The following PACSIN1 variants were observed in gnomAD, a reference collection of about 807,000 sequenced individuals.
The protein encoded by PACSIN1 is protein kinase C and casein kinase substrate in neurons protein 1.
PACSIN1 carries 15 observed loss-of-function variants against 59.5 expected under a neutral mutation model. The ratio of observed to expected loss-of-function variants is 0.25; its 90% confidence interval spans 0.17 to 0.39. The LOEUF is 0.39. Among genes scored for constraint, PACSIN1 ranks in the 10% least tolerant of loss-of-function variants. The pLI, the probability that PACSIN1 is intolerant of heterozygous loss-of-function variation, is 1.00. For synonymous variants in PACSIN1, 210 were observed against 220.6 expected, an observed-to-expected ratio of 0.95 and a Z score of 0.42; for missense variants, 420 against 580.2, an observed-to-expected ratio of 0.72 and a Z score of 2.84.
rs1767289919 is a variant in PACSIN1 at position 34,516,255 on chromosome 6, T to C, written c.-63-9988T>C. ...GGCTGAGGAGGGGTCACATGATGGG[T>C]AGGGGCATACACGCTGAGAAGCTGG... On this transcript the variant is annotated intron_variant, in intron 1 of 9. Coordinates refer to ENST00000244458, the MANE Select transcript of PACSIN1 (RefSeq NM_020804.5). The surrounding 1 kb of genome is among the most constrained non-coding windows in gnomAD (Gnocchi z 5.4). Among the ~76,000 whole-genome samples, 1 of 151,974 alleles carries C rather than the reference T, an allele frequency of 6.6e-6. No individual in the cohort carries two copies. Among genetic ancestry groups the C allele is most frequent in the African/African-American group, 2.4e-5 (1 of 41,372 alleles).
chr6:34,494,137 C>T (rs1766915495), intron 1 of PACSIN1, among the ~76,000 whole-genome samples: 2 of 152,174 alleles, frequency 1.3e-5, no homozygotes, highest in Admixed American at 1.3e-4. Flanking sequence ...ACAAAATTTA[C>T]CTACTTGTTA....
chr6:34,521,076 T>C lies in PACSIN1; in HGVS notation c.-63-5167T>C, dbSNP rs1561968591. On this transcript the variant is annotated intron_variant, in intron 1 of 9. Transcript: ENST00000244458. This position sits in a 1 kb window ranked among gnomAD's most constrained non-coding sequence, Gnocchi z 4.3. Reference sequence around the variant, plus strand: ...TGCGCACTTACTATGTTGCCGGCACTGCACTGGATGCTGGAAATACGGCAG... The same window carrying C: ...TGCGCACTTACTATGTTGCCGGCACCGCACTGGATGCTGGAAATACGGCAG... Among the ~76,000 whole-genome samples the C allele has an allele frequency of 6.6e-6, 1 of 152,260 alleles. No homozygotes were observed. Among genetic ancestry groups the C allele is most frequent in the Non-Finnish European group, 1.5e-5 (1 of 68,052 alleles).
chr6:34,496,493 G>C (rs1449718608), intron 1 of PACSIN1, among the ~76,000 whole-genome samples: 1 of 152,244 alleles, frequency 6.6e-6, no homozygotes, highest in African/African-American at 2.4e-5. Context: ...CCTGCTGGAT[G>C]GTACCCCAGC....
Position 34,532,907 on chromosome 6 carries a change from T to G in PACSIN1, c.*377T>G. ...CTCCAGGCTGCCGGCACCTGCCCCATTCCCTGGCCTGGTTTCCTAACCTCT... is the reference window on the plus strand; with the variant it reads ...CTCCAGGCTGCCGGCACCTGCCCCAGTCCCTGGCCTGGTTTCCTAACCTCT... On this transcript the variant is annotated 3_prime_UTR_variant, in exon 10 of 10. Transcript: ENST00000244458. This position sits in a 1 kb window ranked among gnomAD's most constrained non-coding sequence, Gnocchi z 5.2. The G allele has an allele frequency of 4.1e-5, 7 of 170,014 alleles. No individual in the cohort carries two copies. Among genetic ancestry groups the G allele is most frequent in the Middle Eastern group, 2.6e-3 (1 of 390 alleles). 10.5% of individuals were successfully genotyped at this position (170,014 alleles called of 1,614,324 possible). A position where few individuals can be genotyped will look rare whatever the true frequency, so the allele number is the denominator to read the frequency against.
At chr6:34,526,720 G>C (rs1767490848) in intron 2 of PACSIN1, among the ~76,000 whole-genome samples, 1 of 152,226 alleles carries the variant, frequency 6.6e-6, no homozygotes, top group Non-Finnish European at 1.5e-5. Flanking sequence ...GGTGGGCAGG[G>C]GTGGAGCGCC....
At chr6:34,505,945 G>A (rs1767105623) in intron 1 of PACSIN1, among the ~76,000 whole-genome samples, 1 of 151,890 alleles carries the variant, frequency 6.6e-6, no homozygotes, top group African/African-American at 2.4e-5. Flanking sequence ...ATTCTATTTA[G>A]AAAGCTCACT....
chr6:34,491,533 G>C (rs998849551), intron 1 of PACSIN1, among the ~76,000 whole-genome samples: 1 of 152,116 alleles, frequency 6.6e-6, no homozygotes, highest in African/African-American at 2.4e-5. Context: ...GAGGGTCGCT[G>C]CTGGGAAGTG....
At chr6:34,496,414 G>A (rs1214190079) in intron 1 of PACSIN1, among the ~76,000 whole-genome samples, 4 of 152,346 alleles carry the variant, frequency 2.6e-5, no homozygotes, top group East Asian at 1.9e-4. Flanking sequence ...GTCTTCTGGG[G>A]TGATCTCTGC....
Position 34,532,483 on chromosome 6 carries a change from A to G in PACSIN1, c.1288A>G (p.Ser430Gly). ...EQGWCRGRLD[S>G]GQLGLYPANY... ...GGGCTGGTGCCGTGGGCGGCTGGAC[A>G]GCGGGCAGCTGGGCCTCTACCCTGC... Residue 430 changes from serine to glycine, a missense_variant, in exon 10 of 10, where the codon AGC becomes GGC. Ser to Gly is a moderately conservative substitution (Grantham distance 56, BLOSUM62 0). Transcript: ENST00000244458. The surrounding 1 kb of genome is among the most constrained non-coding windows in gnomAD (Gnocchi z 5.2). 6.4e-7 allele frequency: 1 copy of G among 1,571,554 alleles called. No individual in the cohort carries two copies. Among genetic ancestry groups the G allele is most frequent in the Non-Finnish European group, 8.6e-7 (1 of 1,158,028 alleles).
intron 1 of PACSIN1, among the ~76,000 whole-genome samples, chr6:34,507,551 TA>T (rs57453362): frequency 1.4e-3 from 202 of 144,094 alleles, no homozygotes; most frequent in East Asian, 0.013. Flanking sequence ...ACTTTTATTG[TA>T]AAAAAAAAAA....
At chr6:34,475,588 C>G (rs1325939212) in intron 1 of PACSIN1, among the ~76,000 whole-genome samples, 1 of 152,180 alleles carries the variant, frequency 6.6e-6, no homozygotes, top group Non-Finnish European at 1.5e-5. Context: ...TGTCTGCAAG[C>G]TGCTCCCGGG....
At chr6:34,499,687 T>C (rs1766995937) in intron 1 of PACSIN1, among the ~76,000 whole-genome samples, 1 of 151,816 alleles carries the variant, frequency 6.6e-6, no homozygotes, top group Non-Finnish European at 1.5e-5. Flanking sequence ...TCCCAGGTAC[T>C]CAGGAGGCTG....
In PACSIN1 at chr6:34,469,484, C is replaced by T. The variant is rs9394225; in HGVS notation, c.-64+3214C>T. On this transcript the variant is annotated intron_variant, in intron 1 of 9. Coordinates refer to ENST00000244458, the MANE Select transcript of PACSIN1 (RefSeq NM_020804.5). Reference sequence around the variant, plus strand: ...TGGCAGGCAGGTAGAGGAGGGGTCCCGGAGCTTCACTGTGGAAAGCAGGGA... The same window carrying T: ...TGGCAGGCAGGTAGAGGAGGGGTCCTGGAGCTTCACTGTGGAAAGCAGGGA... Among the ~76,000 whole-genome samples, 218 of 152,148 alleles carry T rather than the reference C, an allele frequency of 1.4e-3. 2 individuals are homozygous for T. In the East Asian group the frequency reaches 0.037, roughly 26 times the overall value.
chr6:34,499,474 C>G (rs998432225), intron 1 of PACSIN1, among the ~76,000 whole-genome samples: 1 of 151,428 alleles, frequency 6.6e-6, no homozygotes, highest in East Asian at 1.9e-4. Context: ...AATATAAGAA[C>G]TAAATTTTTT....
chr6:34,496,388 G>C (rs1167957571), intron 1 of PACSIN1, among the ~76,000 whole-genome samples: 3 of 152,200 alleles, frequency 2.0e-5, no homozygotes, highest in Non-Finnish European at 4.4e-5. Flanking sequence ...CCAGGCTGAG[G>C]GGGGTGGGGG....
chr6:34,493,223 C>T (rs1402320092), intron 1 of PACSIN1, among the ~76,000 whole-genome samples: 1 of 152,216 alleles, frequency 6.6e-6, no homozygotes, highest in Non-Finnish European at 1.5e-5. Context: ...ATATCCCCTG[C>T]AGCTGGGGGA....
Position 34,528,648 on chromosome 6 carries a change from AGT to A in PACSIN1, c.228_229del (p.Tyr77TrpfsTer31), listed in dbSNP as rs1767531513. Reference sequence around the variant, plus strand: ...CCTATTGCCATTCCCTCAGGCCCACAGTATGGCAGCCTGGAGCGGGCCTGGGG... The same window carrying A: ...CCTATTGCCATTCCCTCAGGCCCACAATGGCAGCCTGGAGCGGGCCTGGGG... On this transcript the variant is annotated frameshift_variant, in exon 4 of 10. Coordinates refer to ENST00000244458, the MANE Select transcript of PACSIN1 (RefSeq NM_020804.5). LOFTEE classifies it high-confidence loss of function. 6.2e-7 allele frequency: 1 copy of A among 1,613,416 alleles called. No homozygotes were observed. The highest frequency in any genetic ancestry group is 8.5e-7 in the Non-Finnish European group (1 of 1,179,686).
chr6:34,531,867 A>C lies in PACSIN1; in HGVS notation c.1225+80A>C. ...TGTGGTGGTGCAGGGGCGGTGCCTG[A>C]GAGAGAAGCTTGGGTCTGGATTGGG... is the stretch of plus-strand genomic sequence containing the variant. On this transcript the variant is annotated intron_variant, in intron 9 of 9. Transcript: ENST00000244458. This position sits in a 1 kb window ranked among gnomAD's most constrained non-coding sequence, Gnocchi z 4.4. 1 of 1,360,574 alleles carries C rather than the reference A, an allele frequency of 7.3e-7. No individual in the cohort carries two copies. Among genetic ancestry groups the C allele is most frequent in the South Asian group, 1.4e-5 (1 of 71,196 alleles). 84.3% of individuals were successfully genotyped at this position (1,360,574 alleles called of 1,614,324 possible).
At chr6:34,491,712 A>G (rs1168094484) in intron 1 of PACSIN1, among the ~76,000 whole-genome samples, 1 of 151,776 alleles carries the variant, frequency 6.6e-6, no homozygotes, top group Admixed American at 6.6e-5. Context: ...CCTGGATTCA[A>G]GTGATTCTCC....
Sources: allele counts gnomAD v4.1 joint callset (sites outside exome capture counted in the v4.1 genomes callset), GRCh38; gene constraint gnomAD v4.1.1; non-coding constraint Gnocchi (gnomAD v3.1); transcripts MANE v1.5; gene names NCBI Gene and HGNC (gene_info 2026-07-23, HGNC 2026-07-21).